DZIP3: variants seen among roughly 807,000 people sequenced by gnomAD.
DZIP3 encodes E3 ubiquitin-protein ligase DZIP3.
A neutral mutation model predicts 162.0 loss-of-function variants in DZIP3; 118 were observed. The ratio of observed to expected loss-of-function variants is 0.73; its 90% CI spans 0.63 to 0.85. The LOEUF (loss-of-function observed/expected upper bound fraction) is 0.85. DZIP3 is among the 40% of genes least tolerant of loss of function. DZIP3 has a pLI of 0.00. For synonymous variants in DZIP3, 438 were observed against 458.6 expected (o/e 0.96, Z 0.57); for missense variants, 1,331 against 1,407.0 (o/e 0.95, Z 0.86).
intron 31 of DZIP3, among the ~76,000 whole-genome samples, chr3:108,689,473 G>A (rs1944613618): frequency 6.6e-6 from 1 of 152,102 alleles, no homozygotes; most frequent in Non-Finnish European, 1.5e-5. Flanking sequence ...CATGAGGTCA[G>A]GAGATCGAGA....
In DZIP3 at chr3:108,644,275, C is replaced by T. The variant is rs751292452; in HGVS notation, c.1253C>T (p.Pro418Leu). Residue 418 changes from proline (P) to leucine (L), a missense_variant, in exon 14 of 33, where the codon CCT becomes CTT. This residue lies in a region of DZIP3 where 1,278 missense variants were observed against 1,317.1 expected (regional missense o/e 0.97). Transcript: ENST00000361582. ...CAAATATTTGATGAGGCTATGCCAC[C>T]TCCTCTTTTGAAAAAAGAGCTTCTT... is the stretch of plus-strand genomic sequence containing the variant. The part of the protein sequence containing the change: ...VRQIFDEAMP[P>L]PLLKKELLIH... 3.1e-6 allele frequency: 5 copies of T among 1,613,858 alleles called. No individual in the cohort carries two copies. The highest frequency in any genetic ancestry group is 3.3e-5 in the Admixed American group (2 of 59,970).
intron 1 of DZIP3, among the ~76,000 whole-genome samples, chr3:108,595,265 T>A (rs1464440799): frequency 6.6e-6 from 1 of 152,192 alleles, no homozygotes; most frequent in East Asian, 1.9e-4. Flanking sequence ...TTGCCCAGAC[T>A]GGAGTGCAGT....
intron 1 of DZIP3, among the ~76,000 whole-genome samples, chr3:108,592,399 A>G (rs945293796): frequency 6.6e-6 from 1 of 152,138 alleles, no homozygotes. Flanking sequence ...GTTAATAGAA[A>G]GTATTAAGGG....
At position 108,605,421 on chromosome 3, in the gene DZIP3, A is replaced by G. The variant is rs1940288665; in HGVS notation, c.15A>G (p.Pro5=). Residue 5 remains proline, a synonymous_variant, in exon 2 of 33, where the codon CCA becomes CCG. Coordinates refer to ENST00000361582, the MANE Select transcript of DZIP3 (RefSeq NM_014648.4). ...CCTTGTGCAGCATGGATTCTCTACC[A>G]GATGAATTTTTTGTGAGGTAAGGCC... The part of the protein sequence containing the change: MDSL[P]DEFFVRHPAV... 1 of 1,613,528 alleles carries G rather than the reference A, an allele frequency of 6.2e-7. No homozygotes were observed. The highest frequency in any genetic ancestry group is 8.5e-7 in the Non-Finnish European group (1 of 1,179,704).
At chr3:108,591,852 C>G (rs992378866) in intron 1 of DZIP3, among the ~76,000 whole-genome samples, 1 of 151,842 alleles carries the variant, frequency 6.6e-6, no homozygotes, top group African/African-American at 2.4e-5. Context: ...AAAAATTAGC[C>G]GGGCATGGGT....
rs1297006304 is a variant in DZIP3 at position 108,605,382 on chromosome 3, T to C, written c.-25T>C. The C allele has an allele frequency of 1.2e-6, 2 of 1,613,124 alleles. No homozygotes were observed. The highest frequency in any genetic ancestry group is 1.6e-4 in the Middle Eastern group (1 of 6,076). On this transcript the variant is annotated 5_prime_UTR_variant, in exon 2 of 33. Coordinates refer to ENST00000361582, the MANE Select transcript of DZIP3 (RefSeq NM_014648.4). ...TCAGTTGGCAAGCAGTGGAATAAGA[T>C]TTTTGTAAAGAAACCTTGTGCAGCA...
Position 108,672,595 on chromosome 3 carries a change from G to A in DZIP3, c.2528G>A (p.Ser843Asn), listed in dbSNP as rs1271468929. Residue 843 changes from serine (S) to asparagine (N), a missense_variant, in exon 23 of 33, where the codon AGC becomes AAC. Physicochemically the swap from Ser to Asn is conservative, Grantham distance 46. Around this residue, in one of 2 missense-constraint regions of DZIP3, gnomAD observed 1,278 missense variants for 1,317.1 expected, o/e 0.97. Coordinates refer to ENST00000361582, the MANE Select transcript of DZIP3 (RefSeq NM_014648.4). ...QWEMEKHNLE[S>N]TMKTYVSKLN... is the part of the protein sequence containing the mutation. ...GAAATGGAAAAACATAATCTGGAAAGCACAATGAAAACATACGTAAGCAAA... is the reference window on the plus strand; with the variant it reads ...GAAATGGAAAAACATAATCTGGAAAACACAATGAAAACATACGTAAGCAAA... 4 of 1,611,786 alleles carry A rather than the reference G, an allele frequency of 2.5e-6. No individual in the cohort carries two copies. In the Admixed American group the frequency reaches 6.7e-5, roughly 27 times the overall value.
At chr3:108,594,154 CTA>C (rs1939580480) in intron 1 of DZIP3, among the ~76,000 whole-genome samples, 1 of 151,978 alleles carries the variant, frequency 6.6e-6, no homozygotes, top group East Asian at 1.9e-4. Context: ...CTAATGTTAT[CTA>C]TATTTTTTTC....
intron 19 of DZIP3, among the ~76,000 whole-genome samples, chr3:108,660,295 A>G (rs1943358911): frequency 6.6e-6 from 1 of 152,250 alleles, no homozygotes; most frequent in South Asian, 2.1e-4. Context: ...ACAGAGATAT[A>G]GACCAATGGA....
intron 6 of DZIP3, 32 bp from the exon 7 acceptor site, chr3:108,625,813 C>A: frequency 2.6e-6 from 4 of 1,521,980 alleles, no homozygotes; most frequent in South Asian, 1.3e-5. Context: ...ATGACTTTTA[C>A]AGTAGCCAAA....
At chr3:108,650,677 C>A (rs1942822606) in intron 17 of DZIP3, among the ~76,000 whole-genome samples, 1 of 151,454 alleles carries the variant, frequency 6.6e-6, no homozygotes, top group Admixed American at 6.6e-5. Context: ...AGTCTGACTT[C>A]TCCTTATATA....
At chr3:108,655,830 C>T (rs571839417) in intron 19 of DZIP3, among the ~76,000 whole-genome samples, 23 of 152,278 alleles carry the variant, frequency 1.5e-4, no homozygotes, top group African/African-American at 5.1e-4. Flanking sequence ...TCTCAGCAAA[C>T]GGCACACCAG....
At chr3:108,614,490 T>G (rs1178978084) in intron 4 of DZIP3, among the ~76,000 whole-genome samples, 1 of 152,228 alleles carries the variant, frequency 6.6e-6, no homozygotes, top group African/African-American at 2.4e-5. Flanking sequence ...TTAGTTCTTT[T>G]GAGGAAGGGT....
intron 9 of DZIP3, 26 bp downstream of exon 9, chr3:108,633,098 T>A (rs774958796): frequency 2.3e-6 from 3 of 1,281,170 alleles, no homozygotes; most frequent in South Asian, 5.1e-5. Context: ...ATTAACAGTA[T>A]TTTTAAAAAG....
At position 108,672,643 on chromosome 3, in the gene DZIP3, C is replaced by G. The variant is rs1559776117; in HGVS notation, c.2576C>G (p.Ala859Gly). 1 of 1,610,946 alleles carries G rather than the reference C, an allele frequency of 6.2e-7. No individual in the cohort carries two copies. The highest frequency in any genetic ancestry group is 8.5e-7 in the Non-Finnish European group (1 of 1,178,078). The stretch of plus-strand genomic sequence containing the variant: ...AAACTGAACGCAGAAACTAGCAGAG[C>G]TTTAACAGCCGAGGTAACAACAAAA... ...VSKLNAETSR[A>G]LTAEVYFLQC... is the part of the protein sequence containing the mutation. The change falls in exon 23 of 33, where the codon GCT (alanine) becomes GGT (glycine). Residue 859 changes from alanine to glycine, a missense_variant. Ala to Gly is a moderately conservative substitution (Grantham distance 60). This residue lies in a region of DZIP3 where 1,278 missense variants were observed against 1,317.1 expected (regional missense o/e 0.97). Coordinates refer to ENST00000361582, the MANE Select transcript of DZIP3 (RefSeq NM_014648.4).
rs1250097371 is a variant in DZIP3 at position 108,675,859 on chromosome 3, A to G, written c.2767A>G (p.Ile923Val). The G allele has an allele frequency of 6.2e-7, 1 of 1,609,812 alleles. No individual in the cohort carries two copies. Among genetic ancestry groups the G allele is most frequent in the East Asian group, 2.2e-5 (1 of 44,658 alleles). Residue 923 changes from isoleucine to valine, a missense_variant, in exon 25 of 33, where the codon ATT (isoleucine) becomes GTT (valine). Around this residue, in one of 2 missense-constraint regions of DZIP3, gnomAD observed 1,278 missense variants for 1,317.1 expected, o/e 0.97. Transcript: ENST00000361582. ...CATTGTGGCAGATGTTAGAAACAAGATTGCATTCCTCAGGGTAAGTCCTGA... is the reference window on the plus strand; with the variant it reads ...CATTGTGGCAGATGTTAGAAACAAGGTTGCATTCCTCAGGGTAAGTCCTGA... ...NAIVADVRNK[I>V]AFLRTQYNEQ...
At chr3:108,690,194 A>G (rs1377434220) in intron 31 of DZIP3, among the ~76,000 whole-genome samples, 1 of 152,222 alleles carries the variant, frequency 6.6e-6, no homozygotes, top group Non-Finnish European at 1.5e-5. Context: ...TATTATATAT[A>G]GTGCTTATTA....
intron 19 of DZIP3, among the ~76,000 whole-genome samples, chr3:108,661,314 G>A (rs1415217784): frequency 6.6e-6 from 1 of 152,254 alleles, no homozygotes; most frequent in African/African-American, 2.4e-5. Flanking sequence ...CATAAAAAAT[G>A]ATGAGTTCAT....
At chr3:108,663,694 C>T (rs1943548262) in intron 21 of DZIP3, among the ~76,000 whole-genome samples, 1 of 152,208 alleles carries the variant, frequency 6.6e-6, no homozygotes, top group Non-Finnish European at 1.5e-5. Flanking sequence ...TGAGCTACCT[C>T]TCTTCCATCT....
Sources: allele counts gnomAD v4.1 joint callset (sites outside exome capture counted in the v4.1 genomes callset), GRCh38; gene constraint gnomAD v4.1.1; regional missense constraint gnomAD v4.1.1; transcripts MANE v1.5; gene names NCBI Gene and HGNC (gene_info 2026-07-23, HGNC 2026-07-21).